Variants in ZMPSTE24 observed in about 807,000 individuals in gnomAD.
ZMPSTE24 encodes CAAX prenyl protease 1 homolog.
Under a neutral mutation model 56.7 loss-of-function variants are expected in ZMPSTE24, and 48 were observed. The ratio of observed to expected loss-of-function variants is 0.85; its 90% CI spans 0.67 to 1.08. The LOEUF (loss-of-function observed/expected upper bound fraction) is 1.08. ZMPSTE24 is among the 50% of genes least tolerant of loss of function. The pLI is 0.00. For missense variants in ZMPSTE24, 503 were observed against 548.7 expected (o/e 0.92, Z 0.83); for synonymous variants, 172 against 195.2 (o/e 0.88, Z 0.99).
intron 3 of ZMPSTE24, among the ~76,000 whole-genome samples, chr1:40,268,086 G>C (rs775173296): frequency 5.3e-5 from 8 of 152,160 alleles, no homozygotes; most frequent in Admixed American, 5.2e-4. Context: ...TCTCAATCAC[G>C]TAATAGTCCA....
At chr1:40,274,975 A>AT (rs1213452353) in intron 6 of ZMPSTE24, among the ~76,000 whole-genome samples, 2 of 152,108 alleles carry the variant, frequency 1.3e-5, no homozygotes, top group Admixed American at 6.6e-5. Flanking sequence ...GTTTCCTGAG[A>AT]TGGAAAAAAA....
At chr1:40,282,282 C>T (rs920064774) in intron 7 of ZMPSTE24, among the ~76,000 whole-genome samples, 3 of 152,104 alleles carry the variant, frequency 2.0e-5, no homozygotes, top group African/African-American at 4.8e-5. Context: ...GAATCCTTTT[C>T]GTGGATAAGA....
chr1:40,262,953 C>G (rs1643513783), intron 2 of ZMPSTE24: 3 of 1,020,534 alleles, frequency 2.9e-6, no homozygotes, highest in Non-Finnish European at 3.5e-6. Context: ...TCTGAATTCT[C>G]TGTTTAATAA....
At chr1:40,278,143 T>G (rs1313064617) in intron 6 of ZMPSTE24, among the ~76,000 whole-genome samples, 1 of 152,112 alleles carries the variant, frequency 6.6e-6, no homozygotes, top group East Asian at 1.9e-4. Context: ...TGTCAAAGTT[T>G]TACTACTAAA....
At chr1:40,289,691 G>A (rs953064901) in intron 8 of ZMPSTE24, among the ~76,000 whole-genome samples, 1 of 152,170 alleles carries the variant, frequency 6.6e-6, no homozygotes. Flanking sequence ...AGAATGTTGT[G>A]TGTTCTCCAA....
At position 40,275,302 on chromosome 1, in the gene ZMPSTE24, C is replaced by T. The variant is rs550092476; in HGVS notation, c.769+3267C>T. ...AAAAAAAAAAAGCCGGGCGTGGTGGCGGGCGCCTGTAGTCCCAGCTACTTG... is the reference window on the plus strand; with the variant it reads ...AAAAAAAAAAAGCCGGGCGTGGTGGTGGGCGCCTGTAGTCCCAGCTACTTG... On this transcript the variant is annotated intron_variant, in intron 6 of 9. Coordinates refer to ENST00000372759, the MANE Select transcript of ZMPSTE24 (RefSeq NM_005857.5). Among the ~76,000 whole-genome samples the T allele has an allele frequency of 2.9e-3, 406 of 140,138 alleles. 3 individuals carry two copies. The highest frequency in any genetic ancestry group is 9.4e-3 in the African/African-American group (352 of 37,468). The allele number at this position is 140,138 out of a possible 152,430, so 91.9% of individuals were successfully genotyped here.
intron 1 of ZMPSTE24, among the ~76,000 whole-genome samples, chr1:40,259,805 C>T (rs924520795): frequency 1.3e-5 from 2 of 151,820 alleles, no homozygotes; most frequent in Non-Finnish European, 2.9e-5. Flanking sequence ...AGAGATGTTG[C>T]CCGGGGTGGT....
intron 1 of ZMPSTE24, chr1:40,259,227 G>A (rs1643470754): frequency 6.6e-6 from 1 of 152,136 alleles, no homozygotes; most frequent in South Asian, 2.1e-4. Context: ...CATTATTTTA[G>A]TTTAAATATT....
intron 4 of ZMPSTE24, 128 bp downstream of exon 4, chr1:40,268,663 A>C: frequency 1.4e-6 from 1 of 694,124 alleles, no homozygotes; most frequent in African/African-American, 1.8e-5. Flanking sequence ...GGAACTACAG[A>C]TATGGTAAAG....
rs750229142 is a variant in ZMPSTE24, at chr1:40,272,016, G to A, written c.750G>A (p.Thr250=). The change falls in exon 6 of 10, where the codon ACG becomes ACA. Residue 250 remains threonine (T), a synonymous_variant. Transcript: ENST00000372759. ...CAAAGAGTATTGACTTTCCTTTGAC[G>A]AAGGTGTATGTTGTGGAAGGTAAGG... ...VMAKSIDFPL[T]KVYVVEGSKR... is the part of the protein sequence containing the mutation. 10 of 1,611,676 alleles carry A rather than the reference G, an allele frequency of 6.2e-6. No homozygotes were observed. In the Admixed American group the frequency reaches 8.3e-5, roughly 13 times the overall value.
intron 6 of ZMPSTE24, among the ~76,000 whole-genome samples, chr1:40,280,008 G>A (rs901266712): frequency 4.6e-5 from 7 of 152,112 alleles, no homozygotes; most frequent in Non-Finnish European, 8.8e-5. Flanking sequence ...TAGAGAAATG[G>A]TTTGTTGTGT....
intron 2 of ZMPSTE24, among the ~76,000 whole-genome samples, chr1:40,263,612 T>C (rs1643519750): frequency 6.6e-6 from 1 of 152,226 alleles, no homozygotes; most frequent in Admixed American, 6.5e-5. Flanking sequence ...ATATTTTGGG[T>C]AACTTTGAAA....
Position 40,271,821 on chromosome 1 carries a change from T to C in ZMPSTE24, c.628-73T>C, listed in dbSNP as rs115808371. ...GGTCAACATAGTTGTTTTAATATAA[T>C]TTAATCTGTATAATAAAGAATGTTT... On this transcript the variant is annotated intron_variant, in intron 5 of 9. Transcript: ENST00000372759. 1,410 of 1,524,506 alleles carry C rather than the reference T, an allele frequency of 9.2e-4. 10 individuals are homozygous for C. In the African/African-American group the frequency reaches 0.016, roughly 18 times the overall value. The allele number at this position is 1,524,506 out of a possible 1,614,324, so 94.4% of individuals were successfully genotyped here.
intron 7 of ZMPSTE24, among the ~76,000 whole-genome samples, chr1:40,282,119 T>C (rs1643736283): frequency 6.6e-6 from 1 of 152,228 alleles, no homozygotes; most frequent in Admixed American, 6.5e-5. Flanking sequence ...AATACCTTCC[T>C]CTTAAGCTTA....
intron 3 of ZMPSTE24, 28 bp from the exon 4 acceptor site, chr1:40,268,391 C>T (rs1052319659): frequency 6.6e-7 from 1 of 1,517,616 alleles, no homozygotes; most frequent in Admixed American, 1.7e-5. Flanking sequence ...TTCATAAAAA[C>T]TGGATTTTTG....
intron 8 of ZMPSTE24, among the ~76,000 whole-genome samples, chr1:40,289,371 TAG>T (rs1643817537): frequency 6.6e-6 from 1 of 152,256 alleles, no homozygotes; most frequent in Non-Finnish European, 1.5e-5. Flanking sequence ...CAGTCTGTAG[TAG>T]GGCCCAGTAG....
Position 40,268,456 on chromosome 1 carries a change from T to A in ZMPSTE24, c.395T>A (p.Leu132His). The change falls in exon 4 of 10, where the codon CTT becomes CAT. Residue 132 changes from leucine (L) to histidine (H), a missense_variant. Coordinates refer to ENST00000372759, the MANE Select transcript of ZMPSTE24 (RefSeq NM_005857.5). ...CTGGTGTTTCTGCTGTTGGCTACAC[T>A]TTTCAGTGCATTGACTGGTTTGCCA... ...QSLVFLLLAT[L>H]FSALTGLPWS... 6.2e-7 allele frequency: 1 copy of A among 1,613,056 alleles called. No individual in the cohort carries two copies. The highest frequency in any genetic ancestry group is 8.5e-7 in the Non-Finnish European group (1 of 1,179,974).
At chr1:40,281,573 A>T in intron 7 of ZMPSTE24, 46 bp downstream of exon 7, 2 of 1,575,660 alleles carry the variant, frequency 1.3e-6, no homozygotes, top group South Asian at 1.1e-5. Context: ...TTTTATACAC[A>T]GTTCCTGTGA....
At position 40,277,805 on chromosome 1, in the gene ZMPSTE24, C is replaced by G. The variant is rs139950167; in HGVS notation, c.770-3538C>G. 3.7e-3 allele frequency among the ~76,000 whole-genome samples: 554 copies of G among 151,706 alleles called. 13 individuals are homozygous for G. The highest frequency in any genetic ancestry group is 0.032 in the East Asian group (165 of 5,142). ...CCAACATGATGAAACCCCGTCTCTA[C>G]TAAAAATACAAAAATTAGCTGGGTG... On this transcript the variant is annotated intron_variant, in intron 6 of 9. Transcript: ENST00000372759.
Sources: gnomAD v4.1 joint callset for allele counts (sites outside exome capture counted in the v4.1 genomes callset) on GRCh38, gnomAD v4.1.1 for gene constraint, MANE v1.5 for transcripts, NCBI Gene and HGNC (gene_info 2026-07-23, HGNC 2026-07-21) for gene names.